Variants in IDO1 observed in about 807,000 individuals in gnomAD.
IDO1 encodes indolamine 2,3 dioxygenase.
Under a neutral mutation model 38.8 loss-of-function variants are expected in IDO1, and 35 were observed. The observed-to-expected ratio is 0.90, with a 90% CI of 0.69 to 1.20. The LOEUF is 1.20. IDO1 is among the 50% of genes most tolerant of loss of function. The pLI is 0.00. For missense variants in IDO1, 509 were observed against 485.1 expected, an observed-to-expected ratio of 1.05 and a Z score of -0.46; for synonymous variants, 171 against 170.0, an observed-to-expected ratio of 1.01 and a Z score of -0.05.
chr8:39,925,464 G>T, intron 9 of IDO1, 93 bp downstream of exon 9: 3 of 1,195,336 alleles, frequency 2.5e-6, no homozygotes, highest in Non-Finnish European at 2.3e-6. Context: ...CATCTTATCT[G>T]AGCTTATCTG....
In IDO1 at chr8:39,928,732, CA is replaced by C. The variant is rs34719328; in HGVS notation, c.*564del. Among the ~76,000 whole-genome samples the C allele has an allele frequency of 9.1e-3, 657 of 72,176 alleles. 1 individual carries two copies. The highest frequency in any genetic ancestry group is 0.01 in the African/African-American group (172 of 16,802). The allele number at this position is 72,176 out of a possible 152,430, so 47.4% of individuals were successfully genotyped here. A position where few individuals can be genotyped will look rare whatever the true frequency, so the allele number is the denominator to read the frequency against. On this transcript the variant is annotated 3_prime_UTR_variant, in exon 10 of 10. Coordinates refer to ENST00000518237, the MANE Select transcript of IDO1 (RefSeq NM_002164.6). ...TGGGCTAAAGAGCGGGACTCCGTCT[CA>C]AAAAAAAAAAAAAAAAGATATATTC...
At chr8:39,918,757 A>G (rs1586209817) in intron 3 of IDO1, 58 bp from the exon 4 acceptor site, 1 of 661,186 alleles carries the variant, frequency 1.5e-6, no homozygotes, top group Admixed American at 2.9e-5. Context: ...AAAAAAAAAA[A>G]AAAAAAAAAA....
At chr8:39,916,662 G>A (rs1807179228) in intron 1 of IDO1, among the ~76,000 whole-genome samples, 1 of 152,068 alleles carries the variant, frequency 6.6e-6, no homozygotes, top group South Asian at 2.1e-4. Flanking sequence ...TAGTCCAAAG[G>A]AAAATAATAT....
Position 39,923,477 on chromosome 8 carries a change from T to G in IDO1, c.546T>G (p.Pro182=). The G allele has an allele frequency of 6.4e-7, 1 of 1,569,676 alleles. No homozygotes were observed. Among genetic ancestry groups the G allele is most frequent in the African/African-American group, 1.3e-5 (1 of 74,120 alleles). Residue 182 remains proline (P), a synonymous_variant, in exon 7 of 10, where the codon CCT becomes CCG. Coordinates refer to ENST00000518237, the MANE Select transcript of IDO1 (RefSeq NM_002164.6). The part of the protein sequence containing the change: ...IAAASAIKVI[P]TVFKAMQMQE... Reference sequence around the variant, plus strand: ...TTGTTTGTTTGTTTTAGGTAATTCCTACTGTATTCAAGGCAATGCAAATGC... The same window carrying G: ...TTGTTTGTTTGTTTTAGGTAATTCCGACTGTATTCAAGGCAATGCAAATGC...
chr8:39,916,560 T>C (rs989424497), intron 1 of IDO1, among the ~76,000 whole-genome samples: 1 of 152,154 alleles, frequency 6.6e-6, no homozygotes, highest in Non-Finnish European at 1.5e-5. Flanking sequence ...GAAAAAAAAT[T>C]ATTGGTTACT....
chr8:39,927,515 G>A (rs1307332208), intron 9 of IDO1, among the ~76,000 whole-genome samples: 29 of 150,174 alleles, frequency 1.9e-4, no homozygotes, highest in Admixed American at 4.0e-4. Flanking sequence ...AGCCGAGATC[G>A]TGCCACTGCA....
Position 39,917,870 on chromosome 8 carries a change from TCAAG to T in IDO1, c.88-4_88-1del. ...ACTAAATAAAGATCTTTTTTTTTTTTCAAGGAAAATCTACCTGATTTTTATAATG... is the reference window on the plus strand; with the variant it reads ...ACTAAATAAAGATCTTTTTTTTTTTTGAAAATCTACCTGATTTTTATAATG... On this transcript the variant is annotated splice_acceptor_variant and splice_polypyrimidine_tract_variant and intron_variant, in intron 1 of 9. Coordinates refer to ENST00000518237, the MANE Select transcript of IDO1 (RefSeq NM_002164.6). LOFTEE classifies it high-confidence loss of function. 1.3e-6 allele frequency: 2 copies of T among 1,577,280 alleles called. No homozygotes were observed. Among genetic ancestry groups the T allele is most frequent in the Admixed American group, 3.4e-5 (2 of 58,432 alleles).
chr8:39,915,508 C>T (rs1326615479), intron 1 of IDO1: 1 of 152,128 alleles, frequency 6.6e-6, no homozygotes, highest in East Asian at 1.9e-4. Context: ...TACCTCCTTC[C>T]AATCTAATTT....
rs185947694 is a variant in IDO1 at position 39,923,522 on chromosome 8, A to T, written c.591A>T (p.Leu197=). Residue 197 remains leucine (L), a synonymous_variant, in exon 7 of 10, where the codon CTA becomes CTT. Transcript: ENST00000518237. ...AMQMQERDTL[L]KALLEIASCL... ...AAATGCAAGAACGGGACACTTTGCT[A>T]AAGGCGCTGTTGGAAATAGCTTCTT... 6.2e-7 allele frequency: 1 copy of T among 1,613,766 alleles called. No individual in the cohort carries two copies. Among genetic ancestry groups the T allele is most frequent in the East Asian group, 2.2e-5 (1 of 44,884 alleles).
intron 1 of IDO1, among the ~76,000 whole-genome samples, chr8:39,917,008 C>CA (rs1330120321): frequency 1.3e-5 from 2 of 152,104 alleles, no homozygotes; most frequent in Non-Finnish European, 2.9e-5. Context: ...ACTCGATATA[C>CA]AAAAATCGTT....
At chr8:39,924,422 G>T (rs1012181838) in intron 7 of IDO1, among the ~76,000 whole-genome samples, 1 of 151,844 alleles carries the variant, frequency 6.6e-6, no homozygotes, top group African/African-American at 2.4e-5. Context: ...GTTTTGTTTT[G>T]GTTTGTTTTG....
At chr8:39,918,746 C>CAA (rs1214540367) in intron 3 of IDO1, 69 bp from the exon 4 acceptor site, 3,987 of 274,854 alleles carry the variant, frequency 0.015, 1 homozygote, top group East Asian at 0.022. Context: ...GACTCCATCT[C>CAA]AAAAAAAAAA....
chr8:39,920,073 C>A (rs752620798), intron 4 of IDO1, 27 bp from the exon 5 acceptor site: 4 of 1,606,254 alleles, frequency 2.5e-6, no homozygotes, highest in Non-Finnish European at 8.5e-7. Context: ...TCCAATTGGT[C>A]CATTGCTTCA....
At chr8:39,923,932 A>C (rs1161372471) in intron 7 of IDO1, 1 of 160,008 alleles carries the variant, frequency 6.2e-6, no homozygotes, top group African/African-American at 2.4e-5. Context: ...AGTCCCGAAA[A>C]AAAAAAAATA....
At chr8:39,925,478 G>C in intron 9 of IDO1, 107 bp downstream of exon 9, 1 of 1,104,536 alleles carries the variant, frequency 9.1e-7, no homozygotes, top group Non-Finnish European at 1.2e-6. Context: ...TTATCTGATA[G>C]TTTTAGCAGA....
chr8:39,917,928 T>C lies in IDO1; in HGVS notation c.141T>C (p.Pro47=). 6.2e-7 allele frequency: 1 copy of C among 1,613,132 alleles called. No homozygotes were observed. The highest frequency in any genetic ancestry group is 8.5e-7 in the Non-Finnish European group (1 of 1,179,218). Residue 47 remains proline, a synonymous_variant, in exon 2 of 10, where the codon CCT becomes CCC. Transcript: ENST00000518237. ...NDWMFIAKHL[P]DLIESGQLRE... ...GGATGTTCATTGCTAAACATCTGCC[T>C]GATCTCATAGAGTCTGGCCAGCTTC...
chr8:39,924,539 T>C (rs1453085075), intron 7 of IDO1, among the ~76,000 whole-genome samples, 182 bp from the exon 8 acceptor site: 1 of 152,176 alleles, frequency 6.6e-6, no homozygotes, highest in East Asian at 1.9e-4. Context: ...TACAGTTTAA[T>C]GGGCTTCCTG....
intron 1 of IDO1, 75 bp from the exon 2 acceptor site, chr8:39,917,800 A>C: frequency 1.1e-6 from 1 of 914,376 alleles, no homozygotes; most frequent in East Asian, 2.5e-5. Flanking sequence ...ATGTGAAGGC[A>C]AGGCATACTA....
chr8:39,915,837 G>A (rs1807166075), intron 1 of IDO1: 1 of 151,916 alleles, frequency 6.6e-6, no homozygotes, highest in Non-Finnish European at 1.5e-5. Flanking sequence ...AACCCCAAAA[G>A]AAAACAAACG....
Sources: allele counts gnomAD v4.1 joint callset (sites outside exome capture counted in the v4.1 genomes callset), GRCh38; gene constraint gnomAD v4.1.1; transcripts MANE v1.5; gene names NCBI Gene and HGNC (gene_info 2026-07-23, HGNC 2026-07-21).